The following NINJ2 variants were observed in gnomAD, a reference collection of about 807,000 sequenced individuals.
NINJ2 encodes the protein ninjurin 2.
NINJ2 carries 12 observed loss-of-function variants against 11.7 expected under a neutral mutation model. The observed-to-expected ratio is 1.02, with a 90% confidence interval of 0.66 to 1.66. The LOEUF is 1.66. NINJ2 is among the 40% of genes most tolerant of loss of function. NINJ2 has a pLI of 0.00. For missense variants in NINJ2, 187 were observed against 181.8 expected, an observed-to-expected ratio of 1.03 and a Z score of -0.16; for synonymous variants, 93 against 76.8, an observed-to-expected ratio of 1.21 and a Z score of -1.10.
At chr12:629,846 C>T (rs1948250986) in intron 1 of NINJ2, among the ~76,000 whole-genome samples, 1 of 127,934 alleles carries the variant, frequency 7.8e-6, no homozygotes, top group Non-Finnish European at 1.6e-5. Flanking sequence ...GAGATCGTGC[C>T]GTTGCACTCC....
chr12:571,455 G>A (rs1947375384), intron 1 of NINJ2, among the ~76,000 whole-genome samples: 1 of 152,080 alleles, frequency 6.6e-6, no homozygotes, highest in South Asian at 2.1e-4. Flanking sequence ...CAGGGGGGTG[G>A]GGGACACCAC....
intron 1 of NINJ2, among the ~76,000 whole-genome samples, chr12:637,806 T>G (rs1448267485): frequency 6.6e-6 from 1 of 152,148 alleles, no homozygotes; most frequent in East Asian, 1.9e-4. Context: ...TGATTAGTGC[T>G]TACGGGTGGG....
At chr12:604,368 T>C (rs1947910533) in intron 1 of NINJ2, among the ~76,000 whole-genome samples, 1 of 152,078 alleles carries the variant, frequency 6.6e-6, no homozygotes. Flanking sequence ...CCGGGTGCGG[T>C]GGCTCACGCC....
intron 1 of NINJ2, among the ~76,000 whole-genome samples, chr12:600,632 C>T (rs1305592384): frequency 3.4e-5 from 5 of 148,944 alleles, no homozygotes; most frequent in South Asian, 2.2e-4. Flanking sequence ...GATGGCAAGG[C>T]GGGTGGCAGA....
chr12:660,492 C>A (rs1001367019), intron 1 of NINJ2, among the ~76,000 whole-genome samples: 1 of 151,776 alleles, frequency 6.6e-6, no homozygotes, highest in Non-Finnish European at 1.5e-5. Flanking sequence ...AGGCGTACAC[C>A]ACCACGCCTA....
At chr12:646,693 G>T (rs1937689057) in intron 1 of NINJ2, among the ~76,000 whole-genome samples, 1 of 152,204 alleles carries the variant, frequency 6.6e-6, no homozygotes. Context: ...GAAGAGGAAA[G>T]GTCCTGGTTG....
chr12:609,770 C>CA (rs1185755822), intron 1 of NINJ2, among the ~76,000 whole-genome samples: 15,522 of 88,734 alleles, frequency 0.17, 1,662 homozygotes, highest in Middle Eastern at 0.24. Flanking sequence ...GACTCTGCCT[C>CA]AAAAAAAAAA....
Position 652,004 on chromosome 12 carries a change from G to A in NINJ2, c.33+11324C>T, listed in dbSNP as rs928841738. ...GTAATGGAAATAAATGAAGGAGGAG[G>A]CAGAAAGGAACAGAAAAAATATTTG... On this transcript the variant is annotated intron_variant, in intron 1 of 3. Coordinates refer to ENST00000305108, the MANE Select transcript of NINJ2 (RefSeq NM_016533.6). Among the ~76,000 whole-genome samples the A allele has an allele frequency of 2.5e-4, 38 of 151,632 alleles. 3 individuals are homozygous for A. Among genetic ancestry groups the A allele is most frequent in the Admixed American group, 6.6e-5 (1 of 15,192 alleles).
intron 1 of NINJ2, among the ~76,000 whole-genome samples, chr12:593,738 G>A (rs963621002): frequency 2.0e-5 from 3 of 152,078 alleles, no homozygotes; most frequent in African/African-American, 7.2e-5. Flanking sequence ...GGAGCAGAAG[G>A]AGGAGGAGGA....
chr12:644,042 G>C (rs1937634704), intron 1 of NINJ2: 1 of 154,852 alleles, frequency 6.5e-6, no homozygotes, highest in South Asian at 2.0e-4. Context: ...CCGGCTCCCA[G>C]GGGGCCAGAG....
intron 1 of NINJ2, among the ~76,000 whole-genome samples, chr12:658,741 GCTATA>G (rs898250678): frequency 2.0e-5 from 3 of 151,586 alleles, no homozygotes; most frequent in Admixed American, 1.3e-4. Flanking sequence ...GCTATGCTAT[GCTATA>G]CTATACTATG....
At chr12:597,594 G>A (rs1289631063) in intron 1 of NINJ2, among the ~76,000 whole-genome samples, 1 of 152,250 alleles carries the variant, frequency 6.6e-6, no homozygotes, top group African/African-American at 2.4e-5. Flanking sequence ...CCAAGGAGCT[G>A]TTCCTTGTAT....
At chr12:655,115 TTAATGA>T (rs971740876) in intron 1 of NINJ2, among the ~76,000 whole-genome samples, 2 of 152,188 alleles carry the variant, frequency 1.3e-5, no homozygotes, top group Admixed American at 6.5e-5. Flanking sequence ...AACATCATAC[TTAATGA>T]TAAGAAAGTA....
At chr12:632,067 A>G (rs1948290413) in intron 1 of NINJ2, 1 of 152,198 alleles carries the variant, frequency 6.6e-6, no homozygotes. Context: ...TGAAATAGCA[A>G]TTTGTGGGTG....
chr12:601,959 T>C (rs1187552695), intron 1 of NINJ2, among the ~76,000 whole-genome samples: 1 of 152,236 alleles, frequency 6.6e-6, no homozygotes, highest in Non-Finnish European at 1.5e-5. Context: ...CTGTCTGACT[T>C]GATACACACC....
chr12:591,905 C>T lies in NINJ2; in HGVS notation c.34-25727G>A, dbSNP rs946415590. On this transcript the variant is annotated intron_variant, in intron 1 of 3. Transcript: ENST00000305108. This position sits in a 1 kb window ranked among gnomAD's most constrained non-coding sequence, Gnocchi z 5.0. ...TGTGACTTAACTAGTCAATTTTGAGCAAACAGAGGCCCCCAGGCGTTTTTC... is the reference window on the plus strand; with the variant it reads ...TGTGACTTAACTAGTCAATTTTGAGTAAACAGAGGCCCCCAGGCGTTTTTC... Among the ~76,000 whole-genome samples the T allele has an allele frequency of 6.6e-6, 1 of 152,140 alleles. No individual in the cohort carries two copies. The highest frequency in any genetic ancestry group is 1.5e-5 in the Non-Finnish European group (1 of 68,038).
chr12:600,989 C>A (rs986699871), intron 1 of NINJ2, among the ~76,000 whole-genome samples: 1 of 152,162 alleles, frequency 6.6e-6, no homozygotes, highest in Non-Finnish European at 1.5e-5. Context: ...TTAAAACACT[C>A]CCAATTCCTT....
At position 635,076 on chromosome 12, in the gene NINJ2, G is replaced by A. The variant is rs996754531; in HGVS notation, c.33+28252C>T. Among the ~76,000 whole-genome samples the A allele has an allele frequency of 3.7e-4, 55 of 148,088 alleles. 1 individual carries two copies. Among genetic ancestry groups the A allele is most frequent in the Non-Finnish European group, 6.1e-4 (41 of 67,198 alleles). On this transcript the variant is annotated intron_variant, in intron 1 of 3. Transcript: ENST00000305108. The stretch of plus-strand genomic sequence containing the variant: ...TACTTTTTTTTTTTTTTTTTGAGAC[G>A]GAGTTTTGCTCTTGTTGCCTAGGCT...
At chr12:613,100 C>T (rs553810233) in intron 1 of NINJ2, among the ~76,000 whole-genome samples, 493 of 152,296 alleles carry the variant, frequency 3.2e-3, no homozygotes, top group African/African-American at 0.011. Flanking sequence ...GCCCAGCACT[C>T]CCAGGTTCAC....
Sources: allele counts gnomAD v4.1 joint callset (sites outside exome capture counted in the v4.1 genomes callset), GRCh38; gene constraint gnomAD v4.1.1; non-coding constraint Gnocchi (gnomAD v3.1); transcripts MANE v1.5; gene names NCBI Gene and HGNC (gene_info 2026-07-23, HGNC 2026-07-21).